The following ZNRF1 variants were observed in gnomAD, a reference collection of about 807,000 sequenced individuals.
ZNRF1 encodes zinc and ring finger 1.
A neutral mutation model predicts 18.4 loss-of-function variants in ZNRF1; 3 were observed. That is an observed-to-expected ratio of 0.16 (90% CI 0.07 to 0.42). The LOEUF (loss-of-function observed/expected upper bound fraction) is 0.42, where lower values mean the gene tolerates loss of function less well. ZNRF1 is among the 10% of genes least tolerant of loss of function. ZNRF1 has a pLI of 0.99. For missense variants in ZNRF1, 310 were observed against 329.8 expected (o/e 0.94, Z 0.47); for synonymous variants, 157 against 144.2 (o/e 1.09, Z -0.64).
chr16:75,066,153 A>G lies in ZNRF1; in HGVS notation c.425-27419A>G, dbSNP rs115008395. On this transcript the variant is annotated intron_variant, in intron 1 of 4. Coordinates refer to ENST00000335325, the MANE Select transcript of ZNRF1 (RefSeq NM_032268.5). ...TCGCTCTTTGAAGAAACTGAATACT[A>G]CATAAAAAAGACTAAACAGATACTA... Among the ~76,000 whole-genome samples the G allele has an allele frequency of 3.2e-3, 487 of 152,356 alleles. 5 individuals are homozygous for G. Among genetic ancestry groups the G allele is most frequent in the African/African-American group, 0.011 (469 of 41,588 alleles).
At chr16:75,105,124 C>T (rs955339363) in intron 3 of ZNRF1, 2 of 447,688 alleles carry the variant, frequency 4.5e-6, no homozygotes, top group Non-Finnish European at 8.3e-6. Context: ...TTTGAGGGCT[C>T]AGGTGGTGGG....
At chr16:75,038,530 T>C (rs561497036) in intron 1 of ZNRF1, among the ~76,000 whole-genome samples, 2 of 152,174 alleles carry the variant, frequency 1.3e-5, no homozygotes, top group African/African-American at 2.4e-5. Context: ...TGGTTTGGCA[T>C]TGTGACAAGG....
chr16:75,034,810 A>G (rs1164333026), intron 1 of ZNRF1, among the ~76,000 whole-genome samples: 2 of 151,796 alleles, frequency 1.3e-5, no homozygotes, highest in Non-Finnish European at 2.9e-5. Flanking sequence ...TAATTTTAGT[A>G]GAGACAGGGT....
intron 1 of ZNRF1, among the ~76,000 whole-genome samples, chr16:75,037,529 G>T (rs1466891184): frequency 6.6e-6 from 1 of 151,978 alleles, no homozygotes; most frequent in Admixed American, 6.6e-5. Flanking sequence ...AGTATAGACG[G>T]GGTTTCACCA....
intron 1 of ZNRF1, among the ~76,000 whole-genome samples, chr16:75,018,718 AT>A (rs2035103193): frequency 6.6e-6 from 1 of 152,190 alleles, no homozygotes; most frequent in Non-Finnish European, 1.5e-5. Context: ...ATGTTAAATT[AT>A]CCTTATATTC....
rs544633441 is a variant in ZNRF1 at position 75,091,489 on chromosome 16, G to A, written c.425-2083G>A. Among the ~76,000 whole-genome samples, 8 of 151,422 alleles carry A rather than the reference G, an allele frequency of 5.3e-5. No homozygotes were observed. In the South Asian group the frequency reaches 1.5e-3, roughly 28 times the overall value. ...ACAGTATAGTGAACTCTTGAACTAC[G>A]TGGGAGACTCTGACCCCCACACAGT... On this transcript the variant is annotated intron_variant, in intron 1 of 4. Transcript: ENST00000335325.
intron 1 of ZNRF1, among the ~76,000 whole-genome samples, chr16:75,045,832 C>T (rs921558204): frequency 6.6e-6 from 1 of 151,716 alleles, no homozygotes; most frequent in Non-Finnish European, 1.5e-5. Context: ...CCTCCCACCT[C>T]AGCCTCCCAA....
intron 1 of ZNRF1, among the ~76,000 whole-genome samples, chr16:75,009,374 G>A (rs976730049): frequency 6.6e-6 from 1 of 152,168 alleles, no homozygotes; most frequent in African/African-American, 2.4e-5. Context: ...AAGTGGACTC[G>A]TACAGTATTT....
At chr16:75,032,358 C>T (rs904492634) in intron 1 of ZNRF1, among the ~76,000 whole-genome samples, 6 of 152,230 alleles carry the variant, frequency 3.9e-5, no homozygotes, top group East Asian at 1.9e-4. Context: ...ATCTGCCCAC[C>T]TCAGCCTCCC....
At chr16:75,021,731 C>T (rs1414598475) in intron 1 of ZNRF1, among the ~76,000 whole-genome samples, 1 of 151,998 alleles carries the variant, frequency 6.6e-6, no homozygotes, top group Non-Finnish European at 1.5e-5. Context: ...GTTTTTTTCT[C>T]TTGGCTGCTT....
chr16:75,019,766 C>T (rs1053375475), intron 1 of ZNRF1, among the ~76,000 whole-genome samples: 45 of 151,970 alleles, frequency 3.0e-4, no homozygotes, highest in African/African-American at 1.1e-3. Context: ...GCTTTGTTGC[C>T]CAGGCTGGAG....
intron 1 of ZNRF1, 80 bp from the exon 2 acceptor site, chr16:75,093,492 T>C: frequency 9.0e-7 from 1 of 1,111,302 alleles, no homozygotes; most frequent in Non-Finnish European, 1.4e-6. Flanking sequence ...CCCACATGGC[T>C]GTCATTCGAG....
At position 75,109,769 on chromosome 16, in the gene ZNRF1, CCTGTGGGGG is replaced by C. The variant is rs903479810; in HGVS notation, c.*2073_*2081del. 1.3e-5 allele frequency: 2 copies of C among 152,276 alleles called. No homozygotes were observed. The highest frequency in any genetic ancestry group is 2.9e-5 in the Non-Finnish European group (2 of 68,090). The allele number at this position is 152,276 out of a possible 1,614,324, so 9.4% of individuals were successfully genotyped here. Reference sequence around the variant, plus strand: ...GACAAAACCATGCAGCTCAGAGGTCCCTGTGGGGGCTGGGGGAGCTGCCCTGCAGGTCTT... The same window carrying C: ...GACAAAACCATGCAGCTCAGAGGTCCCTGGGGGAGCTGCCCTGCAGGTCTT... On this transcript the variant is annotated 3_prime_UTR_variant, in exon 5 of 5. Transcript: ENST00000335325.
At chr16:75,063,737 C>T (rs1008443858) in intron 1 of ZNRF1, among the ~76,000 whole-genome samples, 11 of 152,138 alleles carry the variant, frequency 7.2e-5, no homozygotes, top group African/African-American at 2.7e-4. Context: ...GACCTGCCCC[C>T]GCCACCAAGC....
Position 75,079,860 on chromosome 16 carries a change from T to C in ZNRF1, c.425-13712T>C, listed in dbSNP as rs544150367. On this transcript the variant is annotated intron_variant, in intron 1 of 4. Coordinates refer to ENST00000335325, the MANE Select transcript of ZNRF1 (RefSeq NM_032268.5). The stretch of plus-strand genomic sequence containing the variant: ...TCCAAGGCAGGAAGGTAGCCTGTAG[T>C]GTAGCTGCGTGCCAGGACCCCAGCC... Among the ~76,000 whole-genome samples, 3 of 152,338 alleles carry C rather than the reference T, an allele frequency of 2.0e-5. No individual in the cohort carries two copies. In the East Asian group the frequency reaches 5.8e-4, roughly 29 times the overall value.
intron 1 of ZNRF1, 67 bp from the exon 2 acceptor site, chr16:75,093,505 T>C: frequency 8.1e-7 from 1 of 1,230,234 alleles, no homozygotes; most frequent in Non-Finnish European, 1.2e-6. Context: ...CATTCGAGAG[T>C]GTCCACATGT....
chr16:75,104,709 T>C, intron 2 of ZNRF1, 75 bp from the exon 3 acceptor site: 1 of 1,335,506 alleles, frequency 7.5e-7, no homozygotes, highest in Non-Finnish European at 1.0e-6. Context: ...CCCTAGTTCC[T>C]AGGCCCTTGC....
At chr16:75,043,911 T>G (rs1483289477) in intron 1 of ZNRF1, among the ~76,000 whole-genome samples, 1 of 149,902 alleles carries the variant, frequency 6.7e-6, no homozygotes, top group African/African-American at 2.4e-5. Flanking sequence ...TGCCTTGGCC[T>G]CCTAGGTAGC....
At chr16:75,095,839 T>C (rs2145423572) in intron 2 of ZNRF1, 2 of 1,279,768 alleles carry the variant, frequency 1.6e-6, no homozygotes, top group African/African-American at 3.0e-5. Flanking sequence ...CTTGAGTGCC[T>C]GGCGCTGTTG....
Sources: allele counts gnomAD v4.1 joint callset (sites outside exome capture counted in the v4.1 genomes callset), GRCh38; gene constraint gnomAD v4.1.1; transcripts MANE v1.5; gene names NCBI Gene and HGNC (gene_info 2026-07-23, HGNC 2026-07-21).